GTF2H2: variants seen among roughly 807,000 people sequenced by gnomAD.
GTF2H2 encodes TFIIH basal transcription factor complex p44 subunit.
GTF2H2 carries 2 observed loss-of-function variants against 16.5 expected under a neutral mutation model. The observed-to-expected ratio is 0.12, with a 90% CI of 0.05 to 0.38. GTF2H2 has a LOEUF of 0.38. GTF2H2 is among the 10% of genes least tolerant of loss of function. The pLI, the probability that GTF2H2 is intolerant of heterozygous loss-of-function variation, is 0.99. For synonymous variants in GTF2H2, 8 were observed against 44.1 expected, an observed-to-expected ratio of 0.18 and a Z score of 3.24; for missense variants, 20 against 137.0, an observed-to-expected ratio of 0.15 and a Z score of 4.26.
At chr5:71,057,497 CTGAG>C (rs1236907776) in intron 7 of GTF2H2, among the ~76,000 whole-genome samples, 2 of 135,440 alleles carry the variant, frequency 1.5e-5, no homozygotes, top group African/African-American at 5.6e-5. Context: ...TTTTACTCAT[CTGAG>C]TAAGTTTTAA....
At chr5:71,051,052 G>C (rs1752670399) in intron 8 of GTF2H2, among the ~76,000 whole-genome samples, 1 of 143,342 alleles carries the variant, frequency 7.0e-6, no homozygotes, top group Non-Finnish European at 1.5e-5. Context: ...TCACCATGTT[G>C]GCCAGACTAG....
chr5:71,054,865 T>C lies in GTF2H2; in HGVS notation c.470+487A>G, dbSNP rs1255752997. ...ATATATAATATGTATATAAAGCTTATATATATATATAAGCTTTAACTATAC... is the reference window on the plus strand; with the variant it reads ...ATATATAATATGTATATAAAGCTTACATATATATATAAGCTTTAACTATAC... On this transcript the variant is annotated intron_variant, in intron 8 of 15. Transcript: ENST00000274400. 6.6e-5 allele frequency among the ~76,000 whole-genome samples: 9 copies of C among 136,728 alleles called. 2 individuals are homozygous for C. Among genetic ancestry groups the C allele is most frequent in the Non-Finnish European group, 1.4e-4 (9 of 64,064 alleles). The allele number at this position is 136,728 out of a possible 152,430, so 89.7% of individuals were successfully genotyped here. A position where few individuals can be genotyped will look rare whatever the true frequency, so the allele number is the denominator to read the frequency against.
chr5:71,058,133 C>T (rs1464526612), intron 7 of GTF2H2: 1 of 140,964 alleles, frequency 7.1e-6, no homozygotes, highest in Non-Finnish European at 1.6e-5. Flanking sequence ...TCACTTGAAC[C>T]CGGGAGGCGG....
chr5:71,061,061 G>A (rs1753573695), intron 4 of GTF2H2, 131 bp from the exon 5 acceptor site: 1 of 61,952 alleles, frequency 1.6e-5, no homozygotes, highest in African/African-American at 1.7e-4. Flanking sequence ...CTCCCAAAGT[G>A]CTGGGATTAT....
chr5:71,052,593 T>TA (rs1486179042), intron 8 of GTF2H2, among the ~76,000 whole-genome samples: 2 of 37,502 alleles, frequency 5.3e-5, no homozygotes, highest in Admixed American at 6.9e-4. Flanking sequence ...TGAAGAGAAT[T>TA]AGAGCCTTGC....
At chr5:71,035,796 C>T (rs1349300426) in exon 16 of GTF2H2, 2 of 46,688 alleles carry the variant, frequency 4.3e-5, no homozygotes, top group Admixed American at 5.2e-4. Context: ...CAAACATAAA[C>T]CTGTAGTGAA....
chr5:71,054,174 T>C (rs1435604981), intron 8 of GTF2H2, among the ~76,000 whole-genome samples: 5 of 145,508 alleles, frequency 3.4e-5, no homozygotes, highest in African/African-American at 1.3e-4. Context: ...ATTAAAATGA[T>C]AGCTTGTAGA....
chr5:71,045,104 AC>A (rs1431848312), intron 12 of GTF2H2, among the ~76,000 whole-genome samples: 2 of 132,392 alleles, frequency 1.5e-5, no homozygotes, highest in African/African-American at 6.5e-5. Context: ...CTAGGGTCTA[AC>A]CCTTTGCTTT....
chr5:71,054,463 GGT>G (rs1454955485), intron 8 of GTF2H2, among the ~76,000 whole-genome samples: 2 of 145,464 alleles, frequency 1.4e-5, no homozygotes, highest in Admixed American at 6.9e-5. Context: ...GGGAGGCTGA[GGT>G]GGGCGGATCG....
At position 71,057,433 on chromosome 5, in the gene GTF2H2, T is replaced by C. The variant is rs1031070818; in HGVS notation, c.365-1976A>G. Among the ~76,000 whole-genome samples, 12 of 143,730 alleles carry C rather than the reference T, an allele frequency of 8.3e-5. 3 individuals are homozygous for C. The highest frequency in any genetic ancestry group is 3.1e-4 in the African/African-American group (12 of 38,184). The allele number at this position is 143,730 out of a possible 152,430, so 94.3% of individuals were successfully genotyped here. A position where few individuals can be genotyped will look rare whatever the true frequency, so the allele number is the denominator to read the frequency against. On this transcript the variant is annotated intron_variant, in intron 7 of 15. Coordinates refer to ENST00000274400, the Ensembl canonical transcript of GTF2H2. ...TCCCTGATTTAATTTCTGGGTTTCT[T>C]CTGTGTGAATCATGTCTTCTTTGTC...
chr5:71,051,921 ATGCCTGTAGTCCC>A (rs1752751714), intron 8 of GTF2H2, among the ~76,000 whole-genome samples: 1 of 133,506 alleles, frequency 7.5e-6, no homozygotes, highest in Non-Finnish European at 1.6e-5. Context: ...GTGGTGGCAC[ATGCCTGTAGTCCC>A]TGCTACTTGT....
Position 71,048,001 on chromosome 5 carries a change from CT to C in GTF2H2, c.757+4del. 1 of 810,350 alleles carries C rather than the reference CT, an allele frequency of 1.2e-6. No individual in the cohort carries two copies. The highest frequency in any genetic ancestry group is 1.7e-6 in the Non-Finnish European group (1 of 602,450). The allele number at this position is 810,350 out of a possible 1,614,324, so 50.2% of individuals were successfully genotyped here. ...TGTATTTTTTAAAAACATAAAAACA[CT>C]TACCCATACGAATAAGTGAGCATTC... is the stretch of plus-strand genomic sequence containing the variant. On this transcript the variant is annotated splice_donor_region_variant and intron_variant, in intron 11 of 15. Transcript: ENST00000274400.
At chr5:71,061,106 T>C (rs1327847874) in intron 4 of GTF2H2, among the ~76,000 whole-genome samples, 166 bp downstream of exon 4, 1 of 14,866 alleles carries the variant, frequency 6.7e-5, no homozygotes, top group African/African-American at 1.7e-4. Flanking sequence ...TCAAGTGCCA[T>C]TTTGACTAGT....
chr5:71,038,543 TTAAC>T lies in GTF2H2; in HGVS notation c.1029-1001_1029-998del, dbSNP rs1020774735. Among the ~76,000 whole-genome samples the T allele has an allele frequency of 5.4e-5, 4 of 74,356 alleles. 1 individual carries two copies. The highest frequency in any genetic ancestry group is 1.1e-4 in the Non-Finnish European group (4 of 36,576). 48.8% of individuals were successfully genotyped at this position (74,356 alleles called of 152,430 possible). A position where few individuals can be genotyped will look rare whatever the true frequency, so the allele number is the denominator to read the frequency against. On this transcript the variant is annotated intron_variant, in intron 14 of 15. Transcript: ENST00000274400. Reference sequence around the variant, plus strand: ...CTTGAACCCAGTAATGCATAAATATTTAACTAGTGTCATTCTCAATTCTTTCTAC... The same window carrying T: ...CTTGAACCCAGTAATGCATAAATATTTAGTGTCATTCTCAATTCTTTCTAC...
intron 11 of GTF2H2, among the ~76,000 whole-genome samples, chr5:71,045,886 TG>T (rs1454456558): frequency 1.4e-5 from 2 of 140,350 alleles, no homozygotes; most frequent in African/African-American, 2.8e-5. Flanking sequence ...CCCATGTAGC[TG>T]GGATTACAGG....
chr5:71,042,230 TG>T lies in GTF2H2; in HGVS notation c.875del (p.Pro292HisfsTer45). ...GCTCACAGTACTTTGCCCGACACTG[TG>T]GGCAGAAATAGCCTCCTAATGTAAG... On this transcript the variant is annotated frameshift_variant, in exon 13 of 16. Coordinates refer to ENST00000274400, the Ensembl canonical transcript of GTF2H2. LOFTEE classifies it high-confidence loss of function. 3 of 922,748 alleles carry T rather than the reference TG, an allele frequency of 3.3e-6. No homozygotes were observed. The highest frequency in any genetic ancestry group is 4.4e-6 in the Non-Finnish European group (3 of 689,172). 57.2% of individuals were successfully genotyped at this position (922,748 alleles called of 1,614,324 possible).
In GTF2H2 at chr5:71,036,825, CAA is replaced by C. The variant is rs1266602777; in HGVS notation, c.1068+680_1068+681del. Among the ~76,000 whole-genome samples the C allele has an allele frequency of 7.1e-5, 6 of 84,006 alleles. 2 individuals are homozygous for C. Among genetic ancestry groups the C allele is most frequent in the African/African-American group, 2.5e-4 (6 of 24,278 alleles). 55.1% of individuals were successfully genotyped at this position (84,006 alleles called of 152,430 possible). A position where few individuals can be genotyped will look rare whatever the true frequency, so the allele number is the denominator to read the frequency against. On this transcript the variant is annotated intron_variant, in intron 15 of 15. Transcript: ENST00000274400. ...CCAGTTAAGAGTAAACTACTGATGT[CAA>C]AGAGGTATATAAAACTTAATAAAAT... is the stretch of plus-strand genomic sequence containing the variant.
In GTF2H2 at chr5:71,046,117, A is replaced by G. The variant is rs1168288715; in HGVS notation, c.758-610T>C. On this transcript the variant is annotated intron_variant, in intron 11 of 15. Coordinates refer to ENST00000274400, the Ensembl canonical transcript of GTF2H2. ...TTTAAATTCTGAAAACATGTTCAGG[A>G]AAAGCAGAAACCATTTTTAAAAAGA... 3.9e-5 allele frequency among the ~76,000 whole-genome samples: 5 copies of G among 126,744 alleles called. 1 individual carries two copies. The highest frequency in any genetic ancestry group is 1.7e-4 in the Admixed American group (2 of 11,794). 83.1% of individuals were successfully genotyped at this position (126,744 alleles called of 152,430 possible). A position where few individuals can be genotyped will look rare whatever the true frequency, so the allele number is the denominator to read the frequency against.
rs1164937065 is a variant in GTF2H2, at chr5:71,037,974, CAAAAAAAAA to C, written c.1029-437_1029-429del. The stretch of plus-strand genomic sequence containing the variant: ...GCAACGGGAGCAAAACTCTGACTCA[CAAAAAAAAA>C]AAAAAAAAAAAAAAAGAATAGCAAT... On this transcript the variant is annotated intron_variant, in intron 14 of 15. Transcript: ENST00000274400. Among the ~76,000 whole-genome samples the C allele has an allele frequency of 2.8e-3, 24 of 8,444 alleles. 2 individuals carry two copies. The highest frequency in any genetic ancestry group is 7.3e-3 in the African/African-American group (24 of 3,286). 5.5% of individuals were successfully genotyped at this position (8,444 alleles called of 152,430 possible).
Sources: gnomAD v4.1 joint callset for allele counts (sites outside exome capture counted in the v4.1 genomes callset) on GRCh38, gnomAD v4.1.1 for gene constraint, MANE v1.5 for transcripts, NCBI Gene and HGNC (gene_info 2026-07-23, HGNC 2026-07-21) for gene names.